Variants in CD200R1L observed in about 807,000 individuals in gnomAD.
CD200R1L encodes cell surface glycoprotein CD200 receptor 2.
In CD200R1L, 14 loss-of-function variants were observed where a neutral mutation model predicts 24.8. The observed-to-expected ratio is 0.56, with a 90% CI of 0.37 to 0.88. The LOEUF (loss-of-function observed/expected upper bound fraction) is 0.88. CD200R1L is among the 40% of genes least tolerant of loss of function. The pLI is 0.00. For missense variants in CD200R1L, 299 were observed against 297.8 expected (o/e 1.00, Z -0.03); for synonymous variants, 111 against 109.2 (o/e 1.02, Z -0.11).
chr3:112,829,369 C>T lies in CD200R1L; in HGVS notation c.-2G>A. ...CTGTGTCATCTGCTTTCCACCCATG[C>T]ATGAACTACTTGAAGCTAGAAAACA... On this transcript the variant is annotated 5_prime_UTR_variant, in exon 4 of 8. An upstream start codon of the reference 5' UTR is lost. Coordinates refer to ENST00000488794, the MANE Select transcript of CD200R1L (RefSeq NM_001199215.3). 1 of 1,613,990 alleles carries T rather than the reference C, an allele frequency of 6.2e-7. No individual in the cohort carries two copies. The highest frequency in any genetic ancestry group is 8.5e-7 in the Non-Finnish European group (1 of 1,179,868).
intron 2 of CD200R1L, among the ~76,000 whole-genome samples, chr3:112,838,421 C>T (rs1437254360): frequency 1.3e-5 from 2 of 150,690 alleles, no homozygotes; most frequent in East Asian, 1.9e-4. Context: ...CTTAGAAGTA[C>T]TGGATGAACT....
intron 2 of CD200R1L, among the ~76,000 whole-genome samples, chr3:112,838,897 G>A (rs1939020143): frequency 6.6e-6 from 1 of 152,178 alleles, no homozygotes; most frequent in Non-Finnish European, 1.5e-5. Context: ...GAGAAAAAGT[G>A]AGGATTTCCG....
At chr3:112,834,548 G>A (rs1295238021) in intron 3 of CD200R1L, among the ~76,000 whole-genome samples, 2 of 152,180 alleles carry the variant, frequency 1.3e-5, no homozygotes, top group East Asian at 1.9e-4. Flanking sequence ...ATTTAAGCCT[G>A]ATCATCATGA....
intron 3 of CD200R1L, among the ~76,000 whole-genome samples, chr3:112,834,204 A>G (rs1938876796): frequency 1.3e-5 from 2 of 149,102 alleles, no homozygotes; most frequent in South Asian, 2.1e-4. Context: ...GACAAGGAGT[A>G]GAAGTGGGGT....
intron 7 of CD200R1L, 105 bp downstream of exon 7, chr3:112,819,667 C>T: frequency 1.6e-6 from 2 of 1,256,744 alleles, no homozygotes; most frequent in South Asian, 1.8e-5. Flanking sequence ...ATACAACATA[C>T]CAAAAAAGTG....
intron 3 of CD200R1L, among the ~76,000 whole-genome samples, chr3:112,835,182 G>A (rs1165890018): frequency 1.3e-5 from 2 of 152,194 alleles, no homozygotes; most frequent in African/African-American, 4.8e-5. Flanking sequence ...GGCGAGCAAG[G>A]TTAAGAGGAG....
chr3:112,827,643 G>A lies in CD200R1L; in HGVS notation c.91C>T (p.Leu31Phe). The A allele has an allele frequency of 1.9e-6, 3 of 1,613,880 alleles. No homozygotes were observed. The highest frequency in any genetic ancestry group is 1.1e-5 in the South Asian group (1 of 91,076). ...QPVLMDINAV[L>F]CCPPIALRNL... The stretch of plus-strand genomic sequence containing the variant: ...CTTAATGCGATAGGAGGGCAACAAA[G>A]CACAGCATTTATATCCATCAGTACA... Residue 31 changes from leucine to phenylalanine, a missense_variant, in exon 5 of 8, where the codon CTT (leucine) becomes TTT (phenylalanine). Physicochemically the swap from Leu to Phe is conservative, Grantham distance 22 (BLOSUM62 0). Coordinates refer to ENST00000488794, the MANE Select transcript of CD200R1L (RefSeq NM_001199215.3).
chr3:112,841,362 A>T (rs1367531805), intron 2 of CD200R1L: 1 of 403,944 alleles, frequency 2.5e-6, no homozygotes, highest in Non-Finnish European at 5.0e-6. Flanking sequence ...ACAGTGAGCC[A>T]ATTAAACCTC....
intron 2 of CD200R1L, among the ~76,000 whole-genome samples, chr3:112,842,505 A>G (rs1939106325): frequency 6.6e-6 from 1 of 152,222 alleles, no homozygotes; most frequent in African/African-American, 2.4e-5. Context: ...GAAAAAGAAC[A>G]GAATAACAGT....
intron 6 of CD200R1L, among the ~76,000 whole-genome samples, chr3:112,824,353 A>C (rs916436211): frequency 5.3e-5 from 8 of 152,202 alleles, no homozygotes; most frequent in Non-Finnish European, 1.0e-4. Context: ...AGTAGAGCAG[A>C]ATGGTTTCAA....
At chr3:112,822,894 G>T (rs79300718) in intron 6 of CD200R1L, among the ~76,000 whole-genome samples, 2 of 152,084 alleles carry the variant, frequency 1.3e-5, no homozygotes, top group East Asian at 3.8e-4. Flanking sequence ...ATGATTAAAG[G>T]GTGCCAGGGA....
At chr3:112,825,959 C>T (rs546339433) in intron 6 of CD200R1L, among the ~76,000 whole-genome samples, 15 of 152,176 alleles carry the variant, frequency 9.9e-5, no homozygotes, top group African/African-American at 2.6e-4. Flanking sequence ...ACACAGCTAA[C>T]GAATACATGG....
rs2107337902 is a variant in CD200R1L at position 112,827,226 on chromosome 3, T to G, written c.383A>C (p.Asn128Thr). ...HLQVLVTPEV[N>T]LFQSRNITAV... ...AGTTATATTCCTGCTTTGAAATAGG[T>G]TCACTTCGGGTGTAACTGCAGAGAG... The change falls in exon 6 of 8, where the codon AAC (asparagine) becomes ACC (threonine). Residue 128 changes from asparagine (N) to threonine (T), a missense_variant. Transcript: ENST00000488794. 1 of 1,612,112 alleles carries G rather than the reference T, an allele frequency of 6.2e-7. No homozygotes were observed. Among genetic ancestry groups the G allele is most frequent in the Non-Finnish European group, 8.5e-7 (1 of 1,179,196 alleles).
In CD200R1L at chr3:112,820,657, C is replaced by T. The variant is rs529615904; in HGVS notation, c.617-762G>A. The stretch of plus-strand genomic sequence containing the variant: ...TGTTGGCCAGGCTGGTCTCAAACTC[C>T]TGACCTCAGGTGATCCGCCCGCCTC... On this transcript the variant is annotated intron_variant, in intron 6 of 7. Coordinates refer to ENST00000488794, the MANE Select transcript of CD200R1L (RefSeq NM_001199215.3). Among the ~76,000 whole-genome samples the T allele has an allele frequency of 5.0e-4, 75 of 151,474 alleles. 1 individual carries two copies. Among genetic ancestry groups the T allele is most frequent in the Middle Eastern group, 3.4e-3 (1 of 294 alleles).
chr3:112,833,535 A>G (rs1938862408), intron 3 of CD200R1L, among the ~76,000 whole-genome samples: 1 of 152,226 alleles, frequency 6.6e-6, no homozygotes, highest in South Asian at 2.1e-4. Flanking sequence ...AAAACAACCC[A>G]TTATAAGCTG....
intron 6 of CD200R1L, among the ~76,000 whole-genome samples, chr3:112,821,625 A>G (rs1938538762): frequency 1.3e-5 from 2 of 149,216 alleles, no homozygotes; most frequent in Non-Finnish European, 3.0e-5. Context: ...GGCACAGATC[A>G]CCGACTGTTT....
At chr3:112,841,296 C>T (rs182855001) in intron 2 of CD200R1L, 11 of 451,410 alleles carry the variant, frequency 2.4e-5, no homozygotes, top group Admixed American at 9.6e-5. Context: ...ACATTTCCAC[C>T]ATGATTGTAA....
intron 3 of CD200R1L, among the ~76,000 whole-genome samples, chr3:112,833,004 A>G (rs1268099740): frequency 1.5e-4 from 23 of 152,242 alleles, no homozygotes; most frequent in Admixed American, 9.8e-4. Flanking sequence ...CATGCATTCC[A>G]GAGGTGAGAA....
rs1938709314 is a variant in CD200R1L at position 112,828,013 on chromosome 3, AT to A, written c.50-330del. Among the ~76,000 whole-genome samples the A allele has an allele frequency of 3.9e-5, 6 of 152,366 alleles. No homozygotes were observed. The South Asian group carries it at 1.2e-3, about 32-fold the overall frequency. ...AAACAGAAAAGAAAACAGAATTATA[AT>A]TTAAACAACAAAGGCAATGTTCTAA... On this transcript the variant is annotated intron_variant, in intron 4 of 7. Transcript: ENST00000488794.
Sources: allele counts gnomAD v4.1 joint callset (sites outside exome capture counted in the v4.1 genomes callset), GRCh38; gene constraint gnomAD v4.1.1; transcripts MANE v1.5; gene names NCBI Gene and HGNC (gene_info 2026-07-23, HGNC 2026-07-21).